RABGEF1: variants seen among roughly 807,000 people sequenced by gnomAD.
The protein encoded by RABGEF1 is rab5 GDP/GTP exchange factor.
RABGEF1 carries 26 observed loss-of-function variants against 57.3 expected under a neutral mutation model. The ratio of observed to expected loss-of-function variants is 0.45; its 90% CI spans 0.33 to 0.63. The LOEUF (loss-of-function observed/expected upper bound fraction) is 0.63. Among genes scored for constraint, RABGEF1 ranks in the 20% least tolerant of loss-of-function variants. RABGEF1 has a pLI of 0.02. For missense variants in RABGEF1, 464 were observed against 607.6 expected (o/e 0.76, Z 2.48); for synonymous variants, 185 against 210.7 (o/e 0.88, Z 1.06).
intron 1 of RABGEF1, among the ~76,000 whole-genome samples, chr7:66,697,828 C>T (rs1406958203): frequency 2.6e-5 from 4 of 152,034 alleles, no homozygotes; most frequent in South Asian, 2.1e-4. Flanking sequence ...GTGGGGCCAT[C>T]GGAGGAAGGC....
At chr7:66,674,094 G>T in the RABGEF1 span, among the ~76,000 whole-genome samples, 2 of 152,096 alleles carry the variant, frequency 1.3e-5, no homozygotes, top group Non-Finnish European at 2.9e-5. Flanking sequence ...AATGTAAAAT[G>T]CTGCAACCAC....
At chr7:66,745,691 C>T (rs765398432) in intron 1 of RABGEF1, among the ~76,000 whole-genome samples, 2 of 151,742 alleles carry the variant, frequency 1.3e-5, no homozygotes, top group Non-Finnish European at 2.9e-5. Context: ...ATCTCTTGAT[C>T]CCGGGAGGCG....
At chr7:66,778,674 G>A (rs1253448734) in intron 3 of RABGEF1, among the ~76,000 whole-genome samples, 1 of 152,068 alleles carries the variant, frequency 6.6e-6, no homozygotes, top group Non-Finnish European at 1.5e-5. Flanking sequence ...AAGTGAATCA[G>A]GGCTTCTTGG....
intron 2 of RABGEF1, among the ~76,000 whole-genome samples, chr7:66,713,129 T>C (rs1189380321): frequency 1.3e-5 from 2 of 151,032 alleles, no homozygotes; most frequent in Non-Finnish European, 2.9e-5. Flanking sequence ...GGATTTTCTT[T>C]TTTTCTTTTC....
At chr7:66,713,734 A>G (rs1216945947) in intron 2 of RABGEF1, among the ~76,000 whole-genome samples, 1 of 152,182 alleles carries the variant, frequency 6.6e-6, no homozygotes, top group Non-Finnish European at 1.5e-5. Context: ...TGGATGTTGA[A>G]TCTTCTCAAA....
chr7:66,673,366 T>A, the RABGEF1 span, among the ~76,000 whole-genome samples: 1 of 152,034 alleles, frequency 6.6e-6, no homozygotes, highest in Non-Finnish European at 1.5e-5. Flanking sequence ...TGCTGCACTC[T>A]GGTCTAAATG....
At chr7:66,806,974 C>T (rs965409689) in intron 8 of RABGEF1, among the ~76,000 whole-genome samples, 1 of 152,152 alleles carries the variant, frequency 6.6e-6, no homozygotes, top group African/African-American at 2.4e-5. Flanking sequence ...GAAACATACA[C>T]TTGCCTACGA....
intron 1 of RABGEF1, among the ~76,000 whole-genome samples, chr7:66,746,554 G>A (rs1471769136): frequency 6.6e-6 from 1 of 150,510 alleles, no homozygotes; most frequent in Non-Finnish European, 1.5e-5. Flanking sequence ...CTCCCAAAGT[G>A]CTGCGATTAC....
At chr7:66,708,508 C>T (rs552803587) in intron 1 of RABGEF1, among the ~76,000 whole-genome samples, 7 of 151,958 alleles carry the variant, frequency 4.6e-5, no homozygotes, top group African/African-American at 1.7e-4. Context: ...AGGCTGGCTT[C>T]GAACTCCTGA....
intron 1 of RABGEF1, among the ~76,000 whole-genome samples, chr7:66,747,013 C>G (rs1385912694): frequency 6.6e-6 from 1 of 151,904 alleles, no homozygotes; most frequent in South Asian, 2.1e-4. Context: ...AGGCTGGTCT[C>G]GAATTTCTGA....
At chr7:66,808,521 GTTC>G (rs1788970021) in intron 8 of RABGEF1, among the ~76,000 whole-genome samples, 2 of 152,216 alleles carry the variant, frequency 1.3e-5, no homozygotes, top group South Asian at 4.1e-4. Flanking sequence ...GTCTGGAGCT[GTTC>G]TTTTAACCAC....
intron 1 of RABGEF1, among the ~76,000 whole-genome samples, chr7:66,743,325 ATTT>A (rs771322620): frequency 1.4e-5 from 2 of 138,472 alleles, no homozygotes; most frequent in African/African-American, 2.6e-5. Flanking sequence ...AAAGAAAAAA[ATTT>A]AAAAAAAAAA....
chr7:66,773,179 T>C (rs1807632107), intron 2 of RABGEF1, among the ~76,000 whole-genome samples: 1 of 151,886 alleles, frequency 6.6e-6, no homozygotes, highest in Admixed American at 6.6e-5. Context: ...CACATTGCTT[T>C]CAGTGACTGT....
intron 3 of RABGEF1, 129 bp from the exon 4 acceptor site, chr7:66,783,546 A>C (rs1227887937): frequency 1.1e-6 from 1 of 906,976 alleles, no homozygotes; most frequent in African/African-American, 1.7e-5. Context: ...ATTCAAACAT[A>C]AAATTATTTA....
upstream of RABGEF1, among the ~76,000 whole-genome samples, chr7:66,681,122 C>G (rs1172546567): frequency 6.6e-6 from 1 of 152,122 alleles, no homozygotes; most frequent in Non-Finnish European, 1.5e-5. Flanking sequence ...GCAACCTGTC[C>G]AAGAACACCA....
chr7:66,654,852 GC>G, the RABGEF1 span, among the ~76,000 whole-genome samples: 1 of 152,242 alleles, frequency 6.6e-6, no homozygotes. Context: ...TCCTCACAGT[GC>G]GCGGCTTCTC....
chr7:66,775,291 A>T lies in RABGEF1; in HGVS notation c.244A>T (p.Thr82Ser). Reference protein sequence around the residue: ...SQSSQGAQSLTFSKFEEKKTN... With the variant: ...SQSSQGAQSLSFSKFEEKKTN... The stretch of plus-strand genomic sequence containing the variant: ...GAGCAGCCAAGGGGCCCAATCCCTC[A>T]CATTCTCCAAGTTTGAAGAAAAGAA... Residue 82 changes from threonine (T) to serine (S), a missense_variant, in exon 3 of 9, where the codon ACA (threonine) becomes TCA (serine). Thr to Ser is a moderately conservative substitution (Grantham distance 58). Around this residue, in one of 4 missense-constraint regions of RABGEF1, gnomAD observed 284 missense variants for 389.9 expected, o/e 0.73. Transcript: ENST00000284957. The T allele has an allele frequency of 6.2e-7, 1 of 1,613,980 alleles. No homozygotes were observed. The highest frequency in any genetic ancestry group is 8.5e-7 in the Non-Finnish European group (1 of 1,179,858).
rs1274640308 is a variant in RABGEF1, at chr7:66,745,955, GTC to G, written c.-18+5167_-18+5168del. Among the ~76,000 whole-genome samples the G allele has an allele frequency of 9.9e-5, 15 of 152,194 alleles. No homozygotes were observed. The East Asian group carries it at 2.9e-3, about 29-fold the overall frequency. The stretch of plus-strand genomic sequence containing the variant: ...AGCCTGAGTGACAGAGTGATACCCT[GTC>G]TCTATAAAAAGAAGTTTCATAGTAC... On this transcript the variant is annotated intron_variant, in intron 1 of 8. Coordinates refer to ENST00000284957, the MANE Select transcript of RABGEF1 (RefSeq NM_014504.3).
At chr7:66,763,318 C>T (rs1804906628) in intron 1 of RABGEF1, among the ~76,000 whole-genome samples, 1 of 152,336 alleles carries the variant, frequency 6.6e-6, no homozygotes. Context: ...TCCAGATGCA[C>T]TCGTGTTGGC....
Sources: allele counts gnomAD v4.1 joint callset (sites outside exome capture counted in the v4.1 genomes callset), GRCh38; gene constraint gnomAD v4.1.1; regional missense constraint gnomAD v4.1.1; transcripts MANE v1.5; gene names NCBI Gene and HGNC (gene_info 2026-07-23, HGNC 2026-07-21).